LRMDA: variants seen among roughly 807,000 people sequenced by gnomAD.
LRMDA encodes leucine rich melanocyte differentiation associated, also known as leucine-rich melanocyte differentiation-associated protein.
Under a neutral mutation model 29.8 loss-of-function variants are expected in LRMDA, and 18 were observed. That is an observed-to-expected ratio of 0.60 (90% CI 0.42 to 0.90). The LOEUF is 0.90. Among genes scored for constraint, LRMDA ranks in the 40% least tolerant of loss-of-function variants. The pLI, the probability that LRMDA is intolerant of heterozygous loss-of-function variation, is 0.00. For missense variants in LRMDA, 273 were observed against 273.9 expected (o/e 1.00, Z 0.02); for synonymous variants, 125 against 109.4 (o/e 1.14, Z -0.89).
intron 6 of LRMDA, among the ~76,000 whole-genome samples, chr10:76,544,706 A>C (rs1843398013): frequency 1.1e-5 from 1 of 91,698 alleles, no homozygotes; most frequent in Non-Finnish European, 2.2e-5. Flanking sequence ...TTACATATAT[A>C]CATGCACACA....
At chr10:75,811,558 A>C (rs549968214) in intron 2 of LRMDA, among the ~76,000 whole-genome samples, 1 of 152,352 alleles carries the variant, frequency 6.6e-6, no homozygotes, top group African/African-American at 2.4e-5. Context: ...GACTGAGGGC[A>C]CTGAGATCCA....
intron 2 of LRMDA, among the ~76,000 whole-genome samples, chr10:76,010,687 C>A (rs1000379586): frequency 6.6e-6 from 1 of 152,230 alleles, no homozygotes. Flanking sequence ...CCCACTCCCC[C>A]TCTCATGCCT....
In LRMDA at chr10:76,058,657, ATCT is replaced by A; in HGVS notation, c.399-6_399-4del. Reference sequence around the variant, plus strand: ...ACTTCCTGAGTTGTCTCTGACTCTTATCTTCCAGATGCTTTGTTCTGTACAAGC... The same window carrying A: ...ACTTCCTGAGTTGTCTCTGACTCTTATCCAGATGCTTTGTTCTGTACAAGC... On this transcript the variant is annotated splice_polypyrimidine_tract_variant and splice_region_variant and intron_variant, in intron 4 of 6. Transcript: ENST00000611255. 1 of 1,608,294 alleles carries A rather than the reference ATCT, an allele frequency of 6.2e-7. No homozygotes were observed. Among genetic ancestry groups the A allele is most frequent in the Non-Finnish European group, 8.5e-7 (1 of 1,174,696 alleles).
chr10:75,529,962 C>T (rs1343606880), intron 2 of LRMDA, among the ~76,000 whole-genome samples: 2 of 151,586 alleles, frequency 1.3e-5, no homozygotes, highest in East Asian at 3.9e-4. Flanking sequence ...GAGGAAAATA[C>T]CAAAGCATCA....
chr10:76,484,621 A>G (rs2132329636), intron 6 of LRMDA, among the ~76,000 whole-genome samples: 1 of 152,026 alleles, frequency 6.6e-6, no homozygotes, highest in South Asian at 2.1e-4. Flanking sequence ...TTTTTGTATA[A>G]TGATCTTTAA....
chr10:75,790,771 A>T (rs1258323403), intron 2 of LRMDA, among the ~76,000 whole-genome samples: 1 of 152,218 alleles, frequency 6.6e-6, no homozygotes, highest in Admixed American at 6.5e-5. Flanking sequence ...AGAGATATGT[A>T]GTCTTTTTAG....
intron 6 of LRMDA, among the ~76,000 whole-genome samples, chr10:76,338,571 C>T (rs980148358): frequency 1.3e-5 from 2 of 151,904 alleles, no homozygotes; most frequent in Admixed American, 6.6e-5. Context: ...ACAGAGCTAT[C>T]TCTAAGCCAG....
chr10:76,051,135 C>CGTCTGG (rs1033152979), intron 4 of LRMDA, among the ~76,000 whole-genome samples: 37 of 152,312 alleles, frequency 2.4e-4, no homozygotes, highest in Admixed American at 8.5e-4. Context: ...GACCCTCCGC[C>CGTCTGG]GTCTGGTCGC....
intron 5 of LRMDA, among the ~76,000 whole-genome samples, chr10:76,067,449 G>C (rs533969762): frequency 6.6e-6 from 1 of 152,292 alleles, no homozygotes; most frequent in Admixed American, 6.5e-5. Flanking sequence ...AAAGGAAAGA[G>C]AAGAGGGAAA....
At chr10:76,300,843 G>A (rs1266528865) in intron 5 of LRMDA, among the ~76,000 whole-genome samples, 1 of 152,162 alleles carries the variant, frequency 6.6e-6, no homozygotes, top group African/African-American at 2.4e-5. Context: ...CAGGCACTTG[G>A]TTTCCCCAAG....
chr10:75,723,559 C>G (rs1842595319), intron 2 of LRMDA, among the ~76,000 whole-genome samples: 1 of 152,172 alleles, frequency 6.6e-6, no homozygotes. Context: ...AGTTGTGTGT[C>G]CCCAGTGCCC....
intron 2 of LRMDA, among the ~76,000 whole-genome samples, chr10:75,711,358 A>G (rs1842433758): frequency 6.6e-6 from 1 of 152,174 alleles, no homozygotes; most frequent in African/African-American, 2.4e-5. Flanking sequence ...ACTAATCCCT[A>G]GAGAACTGTT....
At chr10:75,470,513 G>A (rs576538632) in intron 2 of LRMDA, among the ~76,000 whole-genome samples, 11 of 152,282 alleles carry the variant, frequency 7.2e-5, no homozygotes, top group South Asian at 2.1e-4. Flanking sequence ...ACAAAGACCC[G>A]TAAAGCCGAA....
intron 5 of LRMDA, among the ~76,000 whole-genome samples, chr10:76,308,733 T>C (rs1840592000): frequency 6.6e-6 from 1 of 152,174 alleles, no homozygotes; most frequent in Middle Eastern, 3.2e-3. Context: ...CCTCTCCCCA[T>C]AGTTCTGTCT....
chr10:75,448,587 G>A (rs1039060000), intron 2 of LRMDA, among the ~76,000 whole-genome samples: 7 of 152,186 alleles, frequency 4.6e-5, no homozygotes, highest in African/African-American at 1.4e-4. Context: ...CACAGTGATG[G>A]GGGTGGGCTC....
At chr10:75,532,996 T>G (rs909278164) in intron 2 of LRMDA, among the ~76,000 whole-genome samples, 2 of 152,128 alleles carry the variant, frequency 1.3e-5, no homozygotes, top group Non-Finnish European at 2.9e-5. Flanking sequence ...AAGTATAATA[T>G]TAATACAAGA....
intron 5 of LRMDA, among the ~76,000 whole-genome samples, chr10:76,235,215 G>T (rs568738548): frequency 6.6e-6 from 1 of 152,236 alleles, no homozygotes; most frequent in East Asian, 1.9e-4. Context: ...ACAGTCAGTT[G>T]GTGGAGCAGT....
At chr10:76,532,933 G>A (rs1446436842) in intron 6 of LRMDA, among the ~76,000 whole-genome samples, 2 of 152,040 alleles carry the variant, frequency 1.3e-5, no homozygotes, top group African/African-American at 2.4e-5. Context: ...TGCCTCTTAC[G>A]ATCTTGCTAC....
At chr10:76,407,069 C>G (rs1284563358) in intron 6 of LRMDA, among the ~76,000 whole-genome samples, 5 of 152,132 alleles carry the variant, frequency 3.3e-5, no homozygotes, top group Non-Finnish European at 2.9e-5. Flanking sequence ...TCAAAAAGCT[C>G]ATATGCACAG....
Sources: gnomAD v4.1 joint callset for allele counts (sites outside exome capture counted in the v4.1 genomes callset) on GRCh38, gnomAD v4.1.1 for gene constraint, MANE v1.5 for transcripts, NCBI Gene and HGNC (gene_info 2026-07-23, HGNC 2026-07-21) for gene names.